STAU2: variants seen among roughly 807,000 people sequenced by gnomAD.
STAU2 encodes the protein double-stranded RNA-binding protein Staufen homolog 2.
STAU2 carries 20 observed loss-of-function variants against 65.9 expected under a neutral mutation model. The observed-to-expected ratio is 0.30, with a 90% CI of 0.21 to 0.44. The LOEUF (loss-of-function observed/expected upper bound fraction) is 0.44. Ranked by LOEUF, STAU2 falls within the 20% of genes least tolerant of loss-of-function variation. STAU2 has a pLI of 1.00. For missense variants in STAU2, 558 were observed against 683.9 expected (o/e 0.82, Z 2.05); for synonymous variants, 232 against 233.9 (o/e 0.99, Z 0.07).
At chr8:73,525,856 T>A (rs1805412206) in intron 13 of STAU2, among the ~76,000 whole-genome samples, 1 of 152,112 alleles carries the variant, frequency 6.6e-6, no homozygotes, top group Non-Finnish European at 1.5e-5. Context: ...AAAGGTGGAG[T>A]TGCTAGACTG....
intron 2 of STAU2, among the ~76,000 whole-genome samples, chr8:73,739,401 A>G (rs1806674819): frequency 6.6e-6 from 1 of 152,102 alleles, no homozygotes. Context: ...GCAACAACAC[A>G]ATTGTGATAC....
chr8:73,707,985 C>T (rs1384990161), intron 4 of STAU2, among the ~76,000 whole-genome samples: 1 of 152,116 alleles, frequency 6.6e-6, no homozygotes, highest in Admixed American at 6.5e-5. Flanking sequence ...GAACATAAAG[C>T]GTTCTGAGAA....
intron 12 of STAU2, 125 bp downstream of exon 12, chr8:73,582,642 CCTT>C (rs1388445767): frequency 2.6e-6 from 2 of 766,892 alleles, no homozygotes; most frequent in South Asian, 3.5e-5. Context: ...CACCAGGACT[CCTT>C]TGTACCCTCC....
chr8:73,735,894 G>A (rs141402207), intron 3 of STAU2, among the ~76,000 whole-genome samples: 19 of 152,274 alleles, frequency 1.2e-4, no homozygotes, highest in African/African-American at 4.3e-4. Flanking sequence ...AAATGTCTGT[G>A]GCAGAAGATG....
At chr8:73,589,452 T>C (rs542511578) in intron 11 of STAU2, among the ~76,000 whole-genome samples, 1 of 152,284 alleles carries the variant, frequency 6.6e-6, no homozygotes, top group African/African-American at 2.4e-5. Flanking sequence ...CACCTATGAT[T>C]CATAGGTTGA....
chr8:73,526,623 T>C (rs1805475523), intron 13 of STAU2, among the ~76,000 whole-genome samples: 1 of 152,218 alleles, frequency 6.6e-6, no homozygotes, highest in South Asian at 2.1e-4. Context: ...TGTACATGAA[T>C]GGCTAATTTA....
chr8:73,489,048 T>C (rs893649088), intron 13 of STAU2, among the ~76,000 whole-genome samples: 5 of 152,000 alleles, frequency 3.3e-5, no homozygotes, highest in Non-Finnish European at 5.9e-5. Context: ...AAAGATGGGA[T>C]GTACTGCTGT....
intron 6 of STAU2, among the ~76,000 whole-genome samples, chr8:73,630,457 G>A (rs1305005051): frequency 9.8e-5 from 15 of 152,318 alleles, no homozygotes; most frequent in Non-Finnish European, 1.5e-4. Flanking sequence ...GCTTTGAAAG[G>A]CTAACAGTTT....
At chr8:73,716,846 G>A (rs1410636079) in intron 3 of STAU2, among the ~76,000 whole-genome samples, 1 of 152,106 alleles carries the variant, frequency 6.6e-6, no homozygotes, top group African/African-American at 2.4e-5. Context: ...GCTCACGCCT[G>A]TAATCCCAGT....
intron 6 of STAU2, among the ~76,000 whole-genome samples, chr8:73,635,293 C>T (rs924379381): frequency 6.6e-6 from 1 of 152,050 alleles, no homozygotes; most frequent in African/African-American, 2.4e-5. Flanking sequence ...TCTAAAGGTA[C>T]CAAAAAGTCA....
At chr8:73,504,266 C>T (rs533680242) in intron 13 of STAU2, among the ~76,000 whole-genome samples, 1 of 152,222 alleles carries the variant, frequency 6.6e-6, no homozygotes, top group South Asian at 2.1e-4. Flanking sequence ...CAATAGCTTA[C>T]TTAAAATGGA....
chr8:73,663,235 G>C (rs914997029), intron 6 of STAU2, among the ~76,000 whole-genome samples: 14 of 152,206 alleles, frequency 9.2e-5, no homozygotes, highest in Middle Eastern at 3.4e-3. Context: ...GTGTTCCAAT[G>C]ACACTTTACT....
chr8:73,685,942 T>C (rs960592840), intron 5 of STAU2, among the ~76,000 whole-genome samples: 12 of 152,240 alleles, frequency 7.9e-5, no homozygotes, highest in Admixed American at 7.2e-4. Context: ...GAAAATGTGG[T>C]GTACATATAT....
intron 6 of STAU2, among the ~76,000 whole-genome samples, chr8:73,642,113 G>A (rs28593493): frequency 0.083 from 12,614 of 152,098 alleles, 599 homozygotes; most frequent in Middle Eastern, 0.15. Context: ...AATGTGTTTC[G>A]GTTTTGGTTT....
intron 13 of STAU2, among the ~76,000 whole-genome samples, chr8:73,538,079 G>C (rs998616396): frequency 3.3e-5 from 5 of 152,202 alleles, no homozygotes; most frequent in Admixed American, 1.3e-4. Flanking sequence ...CCAAAGAACT[G>C]ATACTTGATT....
intron 4 of STAU2, among the ~76,000 whole-genome samples, chr8:73,691,272 T>A (rs1819307181): frequency 6.6e-6 from 1 of 152,172 alleles, no homozygotes; most frequent in African/African-American, 2.4e-5. Flanking sequence ...TAATCCATTA[T>A]CTCCCAATAG....
chr8:73,603,322 C>G (rs917556745), intron 10 of STAU2, among the ~76,000 whole-genome samples: 3 of 152,176 alleles, frequency 2.0e-5, no homozygotes, highest in African/African-American at 7.2e-5. Context: ...TCTAACTTTC[C>G]TGACAGCCCA....
In STAU2 at chr8:73,659,256, G is replaced by A. The variant is rs751893770; in HGVS notation, c.410+13851C>T. Among the ~76,000 whole-genome samples, 2 of 152,116 alleles carry A rather than the reference G, an allele frequency of 1.3e-5. 1 individual carries two copies. The highest frequency in any genetic ancestry group is 2.9e-5 in the Non-Finnish European group (2 of 68,010). ...CATGACATATTAAAAAGAGCTTCATGGCCTAGCTTGGTGGCTCATGCCTGT... is the reference window on the plus strand; with the variant it reads ...CATGACATATTAAAAAGAGCTTCATAGCCTAGCTTGGTGGCTCATGCCTGT... On this transcript the variant is annotated intron_variant, in intron 6 of 14. Transcript: ENST00000524300.
chr8:73,661,846 T>C (rs1816855092), intron 6 of STAU2, among the ~76,000 whole-genome samples: 1 of 152,182 alleles, frequency 6.6e-6, no homozygotes, highest in Non-Finnish European at 1.5e-5. Flanking sequence ...TGGTAGATAT[T>C]TGGGTTGTTT....
Sources: allele counts gnomAD v4.1 joint callset (sites outside exome capture counted in the v4.1 genomes callset), GRCh38; gene constraint gnomAD v4.1.1; transcripts MANE v1.5; gene names NCBI Gene and HGNC (gene_info 2026-07-23, HGNC 2026-07-21).